Variants in VDAC1 observed in about 807,000 individuals in gnomAD.
The protein encoded by VDAC1 is voltage dependent anion channel 1, also known as non-selective voltage-gated ion channel VDAC1.
In VDAC1, 10 loss-of-function variants were observed where a neutral mutation model predicts 34.7. The observed-to-expected ratio is 0.29, with a 90% confidence interval of 0.18 to 0.49. VDAC1 has a LOEUF of 0.49. Ranked by LOEUF, VDAC1 falls within the 20% of genes least tolerant of loss-of-function variation. The pLI, the probability that VDAC1 is intolerant of heterozygous loss-of-function variation, is 0.99. For synonymous variants in VDAC1, 130 were observed against 136.0 expected (o/e 0.96, Z 0.30); for missense variants, 230 against 347.9 (o/e 0.66, Z 2.69).
At chr5:134,073,648 C>T in the VDAC1 span, among the ~76,000 whole-genome samples, 2 of 152,124 alleles carry the variant, frequency 1.3e-5, no homozygotes, top group South Asian at 4.1e-4. Flanking sequence ...GAATGTTCAT[C>T]AGAGAGAGGA....
the VDAC1 span, among the ~76,000 whole-genome samples, chr5:134,068,241 CATT>C: frequency 1.4e-4 from 21 of 151,962 alleles, no homozygotes; most frequent in South Asian, 4.2e-4. Flanking sequence ...TAGTTGCTAT[CATT>C]GTTGTTGTTT....
At chr5:134,020,487 T>C in the VDAC1 span, among the ~76,000 whole-genome samples, 7 of 152,136 alleles carry the variant, frequency 4.6e-5, no homozygotes, top group Middle Eastern at 3.4e-3. Context: ...TTCCGCACAC[T>C]TAAATCTGAA....
At chr5:134,079,524 C>T in the VDAC1 span, among the ~76,000 whole-genome samples, 17 of 152,214 alleles carry the variant, frequency 1.1e-4, no homozygotes, top group African/African-American at 4.1e-4. Flanking sequence ...GAGGTGCCTT[C>T]AGGGTGTCTG....
At chr5:134,043,109 T>G in the VDAC1 span, among the ~76,000 whole-genome samples, 1 of 152,216 alleles carries the variant, frequency 6.6e-6, no homozygotes, top group Admixed American at 6.5e-5. Flanking sequence ...ACTATGATCC[T>G]GGGGCAGGGG....
chr5:134,071,864 C>T, the VDAC1 span, among the ~76,000 whole-genome samples: 1 of 152,114 alleles, frequency 6.6e-6, no homozygotes, highest in Non-Finnish European at 1.5e-5. The surrounding 1 kb of genome is among the most constrained non-coding windows in gnomAD (Gnocchi z 4.1). Context: ...AGATCCACTC[C>T]ACCCCTCCTG....
chr5:133,973,743 C>CA, intron 8 of VDAC1, 48 bp downstream of exon 8: 1 of 1,585,246 alleles, frequency 6.3e-7, no homozygotes, highest in East Asian at 2.2e-5. Context: ...ACCAGCACCA[C>CA]AATTTTTTTA....
At chr5:134,000,804 A>G (rs1753521029) in intron 1 of VDAC1, among the ~76,000 whole-genome samples, 1 of 152,170 alleles carries the variant, frequency 6.6e-6, no homozygotes. Context: ...TACACACAGT[A>G]TTTTATCACA....
At chr5:133,984,390 A>C (rs1408311903) in intron 5 of VDAC1, among the ~76,000 whole-genome samples, 1 of 147,078 alleles carries the variant, frequency 6.8e-6, no homozygotes, top group Non-Finnish European at 1.5e-5. Context: ...TGCAAGGACA[A>C]GACTATAGGC....
At chr5:134,033,259 G>A in the VDAC1 span, among the ~76,000 whole-genome samples, 1 of 150,188 alleles carries the variant, frequency 6.7e-6, no homozygotes, top group Admixed American at 6.7e-5. Flanking sequence ...CCGGGTTCAA[G>A]CGGTTCTCTT....
At chr5:134,044,623 C>CTATG in the VDAC1 span, among the ~76,000 whole-genome samples, 1 of 23,098 alleles carries the variant, frequency 4.3e-5, no homozygotes, top group Admixed American at 9.7e-4. Flanking sequence ...GTGCACATAA[C>CTATG]TGTGTGTGTG....
At chr5:134,028,832 A>T in the VDAC1 span, among the ~76,000 whole-genome samples, 1 of 152,158 alleles carries the variant, frequency 6.6e-6, no homozygotes, top group South Asian at 2.1e-4. Flanking sequence ...GACAGTATGG[A>T]AGGTTTAAAA....
At chr5:134,085,847 A>G in the VDAC1 span, among the ~76,000 whole-genome samples, 1 of 151,714 alleles carries the variant, frequency 6.6e-6, no homozygotes, top group South Asian at 2.1e-4. Context: ...ATTTGAGGTT[A>G]CTATGAGCTA....
the VDAC1 span, among the ~76,000 whole-genome samples, chr5:134,083,865 A>G: frequency 1.3e-5 from 2 of 152,198 alleles, no homozygotes; most frequent in Non-Finnish European, 2.9e-5. Context: ...GGGCCTGAGC[A>G]GTCCTCCAGT....
At chr5:134,073,518 C>T in the VDAC1 span, among the ~76,000 whole-genome samples, 1 of 152,318 alleles carries the variant, frequency 6.6e-6, no homozygotes, top group East Asian at 1.9e-4. Context: ...TTGAATACCT[C>T]CTCTGATGCA....
At chr5:134,094,145 G>C in the VDAC1 span, among the ~76,000 whole-genome samples, 3 of 152,226 alleles carry the variant, frequency 2.0e-5, no homozygotes, top group African/African-American at 4.8e-5. Flanking sequence ...CAACAGGCTT[G>C]AGCACTGCCT....
chr5:134,072,601 G>A, the VDAC1 span, among the ~76,000 whole-genome samples: 4,565 of 152,270 alleles, frequency 0.03, 75 homozygotes, highest in African/African-American at 0.038. Context: ...CAGAAACACC[G>A]GACAAATGCC....
the VDAC1 span, among the ~76,000 whole-genome samples, chr5:134,041,264 G>C: frequency 6.6e-6 from 1 of 152,170 alleles, no homozygotes; most frequent in South Asian, 2.1e-4. Context: ...TTTCTTTGGG[G>C]GATGTCAGAA....
chr5:134,032,249 G>C, the VDAC1 span, among the ~76,000 whole-genome samples: 1 of 151,712 alleles, frequency 6.6e-6, no homozygotes, highest in East Asian at 1.9e-4. Context: ...TTCTCTCCTA[G>C]AGGCTCAGAC....
At chr5:134,097,736 AG>A in the VDAC1 span, among the ~76,000 whole-genome samples, 2 of 152,182 alleles carry the variant, frequency 1.3e-5, no homozygotes, top group Non-Finnish European at 2.9e-5. Context: ...TCTCAAAATG[AG>A]GCCCACAGAC....
Sources: gnomAD v4.1 joint callset for allele counts (sites outside exome capture counted in the v4.1 genomes callset) on GRCh38, gnomAD v4.1.1 for gene constraint, Gnocchi (gnomAD v3.1) non-coding constraint, MANE v1.5 for transcripts, NCBI Gene and HGNC (gene_info 2026-07-23, HGNC 2026-07-21) for gene names.